Variants in CCDC146 observed in about 807,000 individuals in gnomAD.
CCDC146 encodes the protein coiled-coil domain containing 146.
A neutral mutation model predicts 119.3 loss-of-function variants in CCDC146; 92 were observed. That is an observed-to-expected ratio of 0.77 (90% confidence interval 0.65 to 0.92). CCDC146 has a LOEUF of 0.92. Among genes scored for constraint, CCDC146 ranks in the 40% least tolerant of loss-of-function variants. The pLI is 0.00. For missense variants in CCDC146, 1,000 were observed against 1,103.0 expected (o/e 0.91, Z 1.32); for synonymous variants, 372 against 371.8 (o/e 1.00, Z -0.01).
intron 2 of CCDC146, among the ~76,000 whole-genome samples, chr7:77,173,213 G>A (rs1469040660): frequency 1.3e-5 from 2 of 151,778 alleles, no homozygotes; most frequent in Non-Finnish European, 2.9e-5. Flanking sequence ...TTTTTTTTAA[G>A]AAGAAAAAGA....
intron 7 of CCDC146, 164 bp downstream of exon 7, chr7:77,259,232 G>A (rs1418414955): frequency 4.5e-5 from 23 of 511,018 alleles, no homozygotes; most frequent in Non-Finnish European, 7.0e-5. Context: ...TTAAAAGAAA[G>A]TAATGCACCA....
chr7:77,154,140 T>C (rs1304788477), intron 1 of CCDC146, among the ~76,000 whole-genome samples: 1 of 151,776 alleles, frequency 6.6e-6, no homozygotes, highest in African/African-American at 2.4e-5. Context: ...TTGCCAGGGG[T>C]TGGGGGAGGT....
At chr7:77,192,326 G>A (rs910624752) in intron 2 of CCDC146, among the ~76,000 whole-genome samples, 2 of 152,236 alleles carry the variant, frequency 1.3e-5, no homozygotes, top group Non-Finnish European at 2.9e-5. Flanking sequence ...ATAATTGAAG[G>A]AACCAAAGAA....
rs1388717108 is a variant in CCDC146 at position 77,287,424 on chromosome 7, C to G, written c.2278-16C>G. ...GACTTTTTTTTTATTCCTCTTGAAC[C>G]AATTTTCAAACATAGCTGGAACTAC... On this transcript the variant is annotated splice_polypyrimidine_tract_variant and intron_variant, in intron 16 of 18. Transcript: ENST00000285871. 4 of 1,612,910 alleles carry G rather than the reference C, an allele frequency of 2.5e-6. No homozygotes were observed. Among genetic ancestry groups the G allele is most frequent in the Admixed American group, 3.3e-5 (2 of 59,822 alleles).
In CCDC146 at chr7:77,145,342, A is replaced by G. The variant is rs530765462; in HGVS notation, c.-11-22316A>G. Among the ~76,000 whole-genome samples the G allele has an allele frequency of 7.1e-3, 1,068 of 151,400 alleles. 59 individuals carry two copies. The East Asian group carries it at 0.14, about 20-fold the overall frequency. ...TATTAGTCTTGCTAGTGGTCTATCA[A>G]TTTTGTTGATCTTTTCAAAAAACCA... On this transcript the variant is annotated intron_variant, in intron 1 of 18. Coordinates refer to ENST00000285871, the MANE Select transcript of CCDC146 (RefSeq NM_020879.3).
At chr7:77,292,459 CA>C in intron 17 of CCDC146, among the ~76,000 whole-genome samples, 1 of 150,002 alleles carries the variant, frequency 6.7e-6, no homozygotes, top group African/African-American at 2.4e-5. Context: ...AATAAAAATA[CA>C]AAAAAAATTA....
At chr7:77,203,007 T>C (rs1792020143) in intron 2 of CCDC146, among the ~76,000 whole-genome samples, 1 of 149,428 alleles carries the variant, frequency 6.7e-6, no homozygotes, top group African/African-American at 2.5e-5. Flanking sequence ...CTAAAGGTTT[T>C]TGAGCAAGGA....
intron 1 of CCDC146, among the ~76,000 whole-genome samples, chr7:77,160,632 TTTGCTGAAG>T (rs1226539510): frequency 6.6e-6 from 1 of 152,208 alleles, no homozygotes; most frequent in African/African-American, 2.4e-5. Context: ...ATCCTGAGAC[TTTGCTGAAG>T]TTGCTTATCA....
At chr7:77,262,084 C>A (rs763786831) in intron 8 of CCDC146, 37 bp from the exon 9 acceptor site, 13 of 1,512,280 alleles carry the variant, frequency 8.6e-6, no homozygotes, top group South Asian at 1.3e-5. Context: ...CAGCTGATAA[C>A]AAAATCATTT....
intron 2 of CCDC146, among the ~76,000 whole-genome samples, chr7:77,231,791 C>T (rs1008611510): frequency 1.3e-5 from 2 of 150,906 alleles, no homozygotes; most frequent in Admixed American, 6.6e-5. Flanking sequence ...TGCATCCTCC[C>T]TAAGAAAGTT....
intron 13 of CCDC146, among the ~76,000 whole-genome samples, chr7:77,279,425 A>G (rs1018089767): frequency 1.3e-5 from 2 of 152,218 alleles, no homozygotes; most frequent in African/African-American, 2.4e-5. Flanking sequence ...AAACCATAAC[A>G]TATAACTATG....
At chr7:77,176,940 A>G (rs1791508494) in intron 2 of CCDC146, among the ~76,000 whole-genome samples, 1 of 151,972 alleles carries the variant, frequency 6.6e-6, no homozygotes, top group African/African-American at 2.4e-5. Flanking sequence ...GGCTCAAGCA[A>G]TCCTCCCACC....
rs1442831923 is a variant in CCDC146, at chr7:77,280,461, A to G, written c.1727A>G (p.Asn576Ser). 12 of 1,613,684 alleles carry G rather than the reference A, an allele frequency of 7.4e-6. No homozygotes were observed. The highest frequency in any genetic ancestry group is 1.7e-5 in the Admixed American group (1 of 59,966). Reference sequence around the variant, plus strand: ...CAAAATTCCATGCTGAAACACGCCAACAATGTTACCATCAGAGAGAGCATG... The same window carrying G: ...CAAAATTCCATGCTGAAACACGCCAGCAATGTTACCATCAGAGAGAGCATG... ...KLQNSMLKHA[N>S]NVTIRESMQN... Residue 576 changes from asparagine (N) to serine (S), a missense_variant, in exon 14 of 19, where the codon AAC becomes AGC. By Grantham distance (46) the Asn-to-Ser change is conservative. This residue lies in a region of CCDC146 where 985 missense variants were observed against 1,045.3 expected (regional missense o/e 0.94). Coordinates refer to ENST00000285871, the MANE Select transcript of CCDC146 (RefSeq NM_020879.3).
At chr7:77,141,128 T>G (rs1482667683) in intron 1 of CCDC146, among the ~76,000 whole-genome samples, 3 of 152,184 alleles carry the variant, frequency 2.0e-5, no homozygotes, top group African/African-American at 4.8e-5. Flanking sequence ...GTCCCTGTGT[T>G]CTCATTGTTC....
At chr7:77,192,915 T>C (rs1016493969) in intron 2 of CCDC146, among the ~76,000 whole-genome samples, 1 of 151,698 alleles carries the variant, frequency 6.6e-6, no homozygotes, top group African/African-American at 2.4e-5. Context: ...AGAGTGAGAC[T>C]CCGTCTCTAA....
intron 11 of CCDC146, among the ~76,000 whole-genome samples, chr7:77,277,948 T>C (rs1584140538): frequency 6.6e-6 from 1 of 152,254 alleles, no homozygotes; most frequent in East Asian, 1.9e-4. Flanking sequence ...TAGCACTTGA[T>C]ATATTTTTTA....
chr7:77,164,547 C>T (rs1036118782), intron 1 of CCDC146, among the ~76,000 whole-genome samples: 5 of 152,074 alleles, frequency 3.3e-5, no homozygotes, highest in Admixed American at 6.5e-5. Context: ...TATATGTTAC[C>T]GCCTCTGAAG....
chr7:77,167,896 A>G (rs1791361715), intron 2 of CCDC146, 72 bp downstream of exon 2: 1 of 1,535,914 alleles, frequency 6.5e-7, no homozygotes, highest in Non-Finnish European at 8.8e-7. Flanking sequence ...AATGAAGCCA[A>G]TATCATTATC....
intron 2 of CCDC146, among the ~76,000 whole-genome samples, chr7:77,200,336 C>G (rs1309456743): frequency 6.6e-6 from 1 of 152,154 alleles, no homozygotes; most frequent in Non-Finnish European, 1.5e-5. Flanking sequence ...TAACAAAGTA[C>G]AGCTTTCTGA....
Sources: allele counts gnomAD v4.1 joint callset (sites outside exome capture counted in the v4.1 genomes callset), GRCh38; gene constraint gnomAD v4.1.1; regional missense constraint gnomAD v4.1.1; transcripts MANE v1.5; gene names NCBI Gene and HGNC (gene_info 2026-07-23, HGNC 2026-07-21).